The following MAPK10 variants were observed in gnomAD, a reference collection of about 807,000 sequenced individuals.
MAPK10 encodes the protein JNK3 alpha protein kinase.
A neutral mutation model predicts 59.3 loss-of-function variants in MAPK10; 25 were observed. The observed-to-expected ratio is 0.42, with a 90% CI of 0.31 to 0.59. The LOEUF (loss-of-function observed/expected upper bound fraction) is 0.59, where lower values mean the gene tolerates loss of function less well. Among genes scored for constraint, MAPK10 ranks in the 20% least tolerant of loss-of-function variants. The probability of loss-of-function intolerance (pLI) is 0.15; values close to 1 mark genes in which losing one functional copy is unlikely to be tolerated. For missense variants in MAPK10, 351 were observed against 568.9 expected (o/e 0.62, Z 3.90); for synonymous variants, 190 against 200.5 (o/e 0.95, Z 0.44).
intron 7 of MAPK10, 49 bp from the exon 8 acceptor site, chr4:86,101,266 T>C (rs772567910): frequency 1.4e-6 from 2 of 1,466,888 alleles, no homozygotes; most frequent in African/African-American, 1.4e-5. Flanking sequence ...TCAAGTGAAA[T>C]GTTATTTCCA....
chr4:86,556,181 A>C (rs1166665907), intron 1 of MAPK10, among the ~76,000 whole-genome samples: 1 of 152,204 alleles, frequency 6.6e-6, no homozygotes, highest in Non-Finnish European at 1.5e-5. Flanking sequence ...GCAATGTAAT[A>C]TATGTTTTTA....
chr4:86,352,555 G>C (rs919338020), intron 2 of MAPK10, among the ~76,000 whole-genome samples: 1 of 152,112 alleles, frequency 6.6e-6, no homozygotes, highest in Admixed American at 6.6e-5. Context: ...GAAAAGCAAG[G>C]TAATGTGCAT....
At chr4:86,084,092 A>G (rs1473768656) in intron 9 of MAPK10, among the ~76,000 whole-genome samples, 1 of 152,208 alleles carries the variant, frequency 6.6e-6, no homozygotes, top group Non-Finnish European at 1.5e-5. Context: ...AAACTCTGAG[A>G]CTTGCTGGCC....
At chr4:86,401,141 G>C (rs1395396309) in intron 1 of MAPK10, among the ~76,000 whole-genome samples, 1 of 152,040 alleles carries the variant, frequency 6.6e-6, no homozygotes, top group African/African-American at 2.4e-5. Flanking sequence ...TGTACTACAG[G>C]AAAATAACTA....
At chr4:86,299,487 T>C (rs2095429175) in intron 2 of MAPK10, among the ~76,000 whole-genome samples, 1 of 152,188 alleles carries the variant, frequency 6.6e-6, no homozygotes, top group South Asian at 2.1e-4. Flanking sequence ...AGCAAAAAGA[T>C]GCCTGTCTAG....
chr4:86,230,439 A>G (rs1206939930), intron 2 of MAPK10, among the ~76,000 whole-genome samples: 1 of 152,200 alleles, frequency 6.6e-6, no homozygotes, highest in Non-Finnish European at 1.5e-5. Flanking sequence ...CTGATAACCT[A>G]CTAATTTTAA....
At chr4:86,233,889 T>C (rs1273214772) in intron 2 of MAPK10, among the ~76,000 whole-genome samples, 1 of 128,734 alleles carries the variant, frequency 7.8e-6, no homozygotes, top group East Asian at 1.9e-4. Flanking sequence ...TCCCAAGGCG[T>C]GTGCCTTCCT....
intron 9 of MAPK10, among the ~76,000 whole-genome samples, chr4:86,075,108 T>C (rs1010264152): frequency 1.3e-5 from 2 of 151,250 alleles, no homozygotes; most frequent in African/African-American, 2.4e-5. Flanking sequence ...TATTCTTTTT[T>C]CTCTAAACTT....
At chr4:86,144,856 G>A (rs898260760) in intron 4 of MAPK10, among the ~76,000 whole-genome samples, 2 of 152,010 alleles carry the variant, frequency 1.3e-5, no homozygotes, top group Admixed American at 1.3e-4. Context: ...AAAAATAAAG[G>A]AATACAAATG....
At chr4:86,074,941 G>T (rs565405902) in intron 9 of MAPK10, among the ~76,000 whole-genome samples, 3,658 of 140,334 alleles carry the variant, frequency 0.026, 182 homozygotes, top group African/African-American at 0.097. Flanking sequence ...ACGTTGGCCT[G>T]CCTTGCTAGA....
intron 9 of MAPK10, among the ~76,000 whole-genome samples, chr4:86,077,607 T>C (rs745936026): frequency 6.6e-6 from 1 of 152,230 alleles, no homozygotes; most frequent in South Asian, 2.1e-4. Flanking sequence ...TGCTTTTTGT[T>C]ACTATGAATG....
At chr4:86,505,248 A>G (rs1366328561) in intron 1 of MAPK10, among the ~76,000 whole-genome samples, 1 of 152,152 alleles carries the variant, frequency 6.6e-6, no homozygotes, top group Non-Finnish European at 1.5e-5. Context: ...GTTTCCTTTC[A>G]GCATCATGCA....
intron 2 of MAPK10, among the ~76,000 whole-genome samples, chr4:86,227,358 G>A (rs746421843): frequency 2.0e-5 from 3 of 151,856 alleles, no homozygotes; most frequent in Non-Finnish European, 4.4e-5. Flanking sequence ...TTGGTGGTGG[G>A]TGCCTGTGGT....
At chr4:86,278,967 A>C (rs2094691940) in intron 2 of MAPK10, among the ~76,000 whole-genome samples, 1 of 152,184 alleles carries the variant, frequency 6.6e-6, no homozygotes, top group African/African-American at 2.4e-5. Context: ...GAGAGAGGAC[A>C]TTGGTGGGAA....
intron 1 of MAPK10, among the ~76,000 whole-genome samples, chr4:86,402,796 T>C (rs1743889092): frequency 6.6e-6 from 1 of 152,170 alleles, no homozygotes; most frequent in Admixed American, 6.5e-5. Flanking sequence ...AAGTCTAAAG[T>C]TGGTCCAGAT....
rs770563200 is a variant in MAPK10, at chr4:86,179,928, C to A, written c.66+14408G>T. ...ATATGCTTTGGAACACTGTTCTGGG[C>A]AAAGATTTTATGAAAATAAGACCTC... On this transcript the variant is annotated intron_variant, in intron 3 of 13. Coordinates refer to ENST00000641462, the MANE Select transcript of MAPK10 (RefSeq NM_138982.4). Among the ~76,000 whole-genome samples the A allele has an allele frequency of 2.3e-4, 34 of 150,738 alleles. No individual in the cohort carries two copies. The Middle Eastern group carries it at 0.01, about 45-fold the overall frequency.
intron 1 of MAPK10, among the ~76,000 whole-genome samples, chr4:86,408,369 A>G (rs1175785240): frequency 6.6e-6 from 1 of 152,148 alleles, no homozygotes; most frequent in Non-Finnish European, 1.5e-5. Context: ...ATACATGTGC[A>G]CATGTCTTTA....
intron 1 of MAPK10, among the ~76,000 whole-genome samples, chr4:86,381,954 C>T (rs1437238101): frequency 6.6e-6 from 1 of 152,042 alleles, no homozygotes. Flanking sequence ...GAATAAAACC[C>T]TTGACATTGT....
chr4:86,307,643 C>A (rs970434341), intron 2 of MAPK10, among the ~76,000 whole-genome samples: 1 of 151,996 alleles, frequency 6.6e-6, no homozygotes, highest in Non-Finnish European at 1.5e-5. Context: ...AATGCAAAGA[C>A]CAAAAACAGA....
Sources: allele counts gnomAD v4.1 joint callset (sites outside exome capture counted in the v4.1 genomes callset), GRCh38; gene constraint gnomAD v4.1.1; transcripts MANE v1.5; gene names NCBI Gene and HGNC (gene_info 2026-07-23, HGNC 2026-07-21).